PARVA: variants seen among roughly 807,000 people sequenced by gnomAD.
PARVA encodes the protein parvin alpha.
Under a neutral mutation model 52.6 loss-of-function variants are expected in PARVA, and 25 were observed. The observed-to-expected ratio is 0.48, with a 90% CI of 0.35 to 0.66. The LOEUF is 0.66. PARVA is among the 30% of genes least tolerant of loss of function. The probability of loss-of-function intolerance (pLI) is 0.01; values close to 1 mark genes in which losing one functional copy is unlikely to be tolerated. For missense variants in PARVA, 373 were observed against 450.9 expected, an observed-to-expected ratio of 0.83 and a Z score of 1.56; for synonymous variants, 185 against 179.1, an observed-to-expected ratio of 1.03 and a Z score of -0.26.
chr11:12,382,377 TTTTC>T (rs1555028427), intron 1 of PARVA, among the ~76,000 whole-genome samples: 1 of 135,748 alleles, frequency 7.4e-6, no homozygotes, highest in Non-Finnish European at 1.6e-5. Context: ...ATGAGTAACT[TTTTC>T]TTTTTTTTTT....
intron 1 of PARVA, among the ~76,000 whole-genome samples, chr11:12,414,528 G>A (rs7113425): frequency 0.25 from 38,155 of 152,086 alleles, 6,406 homozygotes; most frequent in African/African-American, 0.47. Context: ...GAGTTATAAG[G>A]TTAAATGAGA....
At chr11:12,476,443 G>T (rs1226075681) in intron 3 of PARVA, among the ~76,000 whole-genome samples, 5 of 151,834 alleles carry the variant, frequency 3.3e-5, no homozygotes, top group African/African-American at 1.2e-4. Flanking sequence ...GATTGCACCT[G>T]TGAATAGCCA....
chr11:12,505,388 T>G (rs535094854), intron 6 of PARVA, among the ~76,000 whole-genome samples: 1 of 152,164 alleles, frequency 6.6e-6, no homozygotes, highest in Non-Finnish European at 1.5e-5. Flanking sequence ...GGACTTTGAG[T>G]TGAACTTCCA....
intron 1 of PARVA, among the ~76,000 whole-genome samples, chr11:12,438,231 G>C (rs1270691359): frequency 1.3e-5 from 2 of 148,980 alleles, no homozygotes; most frequent in Non-Finnish European, 1.5e-5. Context: ...CTACACCCCA[G>C]CCTGGGTGAC....
chr11:12,466,307 AGTT>A (rs1425607243), intron 1 of PARVA, among the ~76,000 whole-genome samples: 78 of 136,450 alleles, frequency 5.7e-4, no homozygotes, highest in Admixed American at 2.7e-3. Context: ...TTATTTATTT[AGTT>A]GTTTTTTTTT....
intron 5 of PARVA, among the ~76,000 whole-genome samples, chr11:12,501,005 G>A (rs1941356731): frequency 6.6e-6 from 1 of 151,846 alleles, no homozygotes; most frequent in Non-Finnish European, 1.5e-5. Context: ...CTACTTGGGA[G>A]GCTGAGTCAG....
chr11:12,411,669 T>C (rs1939994429), intron 1 of PARVA, among the ~76,000 whole-genome samples: 1 of 152,228 alleles, frequency 6.6e-6, no homozygotes, highest in African/African-American at 2.4e-5. Context: ...ATTCTTCTCA[T>C]GGTTAGACGG....
At position 12,533,551 on chromosome 11, in the gene PARVA, C is replaced by T. The variant is rs747352067; in HGVS notation, c.*5626C>T. Among the ~76,000 whole-genome samples the T allele has an allele frequency of 1.6e-4, 25 of 152,024 alleles. No individual in the cohort carries two copies. The highest frequency in any genetic ancestry group is 5.8e-4 in the African/African-American group (24 of 41,374). ...GTTGATCCTTGAATGATATGGGCAC[C>T]GACCCCTGAGCAGCTGAAAATTTGC... is the stretch of plus-strand genomic sequence containing the variant. On this transcript the variant is annotated 3_prime_UTR_variant, in exon 13 of 13. Coordinates refer to ENST00000334956, the MANE Select transcript of PARVA (RefSeq NM_018222.5).
At position 12,527,845 on chromosome 11, in the gene PARVA, G is replaced by A. The variant is rs766704552; in HGVS notation, c.1043-4G>A. 6.2e-5 allele frequency: 100 copies of A among 1,605,118 alleles called. No individual in the cohort carries two copies. Among genetic ancestry groups the A allele is most frequent in the Non-Finnish European group, 7.8e-5 (92 of 1,175,070 alleles). ...ACAATTGGTGTTTTTTGTTTTCTAC[G>A]CAGACATAGTCAACTGTGACCTGAA... On this transcript the variant is annotated splice_region_variant and splice_polypyrimidine_tract_variant and intron_variant, in intron 12 of 12. Transcript: ENST00000334956.
chr11:12,402,475 T>TTTTCCCC lies in PARVA; in HGVS notation c.136+24693_136+24699dup, dbSNP rs576213414. Among the ~76,000 whole-genome samples the TTTTCCCC allele has an allele frequency of 1.4e-4, 21 of 152,322 alleles. No homozygotes were observed. In the East Asian group the frequency reaches 3.3e-3, roughly 24 times the overall value. ...ATGGGTACTATGCAGTTAATTTCCT[T>TTTTCCCC]TTTCCCCCTTGGTCACAAGAAGTTC... On this transcript the variant is annotated intron_variant, in intron 1 of 12. Coordinates refer to ENST00000334956, the MANE Select transcript of PARVA (RefSeq NM_018222.5).
intron 1 of PARVA, among the ~76,000 whole-genome samples, chr11:12,408,707 G>T (rs942943240): frequency 2.0e-5 from 3 of 152,156 alleles, no homozygotes; most frequent in Admixed American, 2.0e-4. Context: ...TATGTTAGGG[G>T]TTGGAGGATA....
In PARVA at chr11:12,505,194, C is replaced by T. The variant is rs1941419283; in HGVS notation, c.657+765C>T. The stretch of plus-strand genomic sequence containing the variant: ...TAGCAAAAGGTCATCCTTTTGTTTG[C>T]TTGTTCCTGTTCTTTTCCAAATAAA... On this transcript the variant is annotated intron_variant, in intron 6 of 12. Transcript: ENST00000334956. 3.3e-5 allele frequency among the ~76,000 whole-genome samples: 5 copies of T among 152,206 alleles called. No homozygotes were observed. The South Asian group carries it at 1.0e-3, about 32-fold the overall frequency.
chr11:12,421,676 G>T (rs4418789), intron 1 of PARVA, among the ~76,000 whole-genome samples: 72,545 of 151,994 alleles, frequency 0.48, 18,635 homozygotes, highest in South Asian at 0.72. Context: ...CAATGCTCTA[G>T]TTGTAGTGTT....
intron 9 of PARVA, 176 bp from the exon 10 acceptor site, chr11:12,513,821 C>A (rs967978885): frequency 3.2e-6 from 2 of 619,832 alleles, no homozygotes; most frequent in Admixed American, 5.4e-5. Flanking sequence ...GAGCCTGTGG[C>A]CCTCCCTGTG....
At chr11:12,478,201 T>A in intron 4 of PARVA, 2 of 559,834 alleles carry the variant, frequency 3.6e-6, no homozygotes. Context: ...AATCATCAGC[T>A]AGATGAAAAG....
At chr11:12,437,289 C>A (rs946987589) in intron 1 of PARVA, among the ~76,000 whole-genome samples, 1 of 152,188 alleles carries the variant, frequency 6.6e-6, no homozygotes, top group Admixed American at 6.5e-5. Flanking sequence ...CTCTCCCTGC[C>A]TTTGCCAGGC....
chr11:12,467,723 C>T (rs1443690852), intron 1 of PARVA, among the ~76,000 whole-genome samples: 3 of 152,196 alleles, frequency 2.0e-5, no homozygotes, highest in Non-Finnish European at 2.9e-5. Flanking sequence ...GGATCTAGAG[C>T]AGCCTAAACA....
chr11:12,387,197 G>A (rs1348963774), intron 1 of PARVA, among the ~76,000 whole-genome samples: 1 of 152,206 alleles, frequency 6.6e-6, no homozygotes, highest in Admixed American at 6.5e-5. Context: ...AACACATTCT[G>A]TTAGGTTTTC....
intron 1 of PARVA, among the ~76,000 whole-genome samples, chr11:12,382,811 T>C (rs1008247814): frequency 1.1e-4 from 17 of 152,252 alleles, no homozygotes; most frequent in African/African-American, 2.4e-5. Flanking sequence ...TCTTCATCTA[T>C]AAAATGAGAA....
Sources: gnomAD v4.1 joint callset for allele counts (sites outside exome capture counted in the v4.1 genomes callset) on GRCh38, gnomAD v4.1.1 for gene constraint, MANE v1.5 for transcripts, NCBI Gene and HGNC (gene_info 2026-07-23, HGNC 2026-07-21) for gene names.